PLCL1: variants seen among roughly 807,000 people sequenced by gnomAD.
The protein encoded by PLCL1 is inactive phospholipase C-like protein 1.
Under a neutral mutation model 84.4 loss-of-function variants are expected in PLCL1, and 41 were observed. That is an observed-to-expected ratio of 0.49 (90% CI 0.38 to 0.63). PLCL1 has a LOEUF of 0.63. PLCL1 is among the 30% of genes least tolerant of loss of function. The pLI is 0.00. For synonymous variants in PLCL1, 490 were observed against 488.3 expected, an observed-to-expected ratio of 1.00 and a Z score of -0.05; for missense variants, 1,206 against 1,367.8, an observed-to-expected ratio of 0.88 and a Z score of 1.87.
intron 1 of PLCL1, among the ~76,000 whole-genome samples, chr2:197,997,141 G>A (rs565710354): frequency 6.6e-6 from 1 of 152,318 alleles, no homozygotes; most frequent in African/African-American, 2.4e-5. Context: ...AGGTATAGCT[G>A]GCTTATCCCA....
chr2:198,126,022 G>A (rs1432879917), intron 5 of PLCL1, among the ~76,000 whole-genome samples: 2 of 152,056 alleles, frequency 1.3e-5, no homozygotes, highest in Non-Finnish European at 2.9e-5. Context: ...CAAGTCTCTA[G>A]GATAACAAAG....
intron 3 of PLCL1, among the ~76,000 whole-genome samples, 186 bp downstream of exon 3, chr2:198,089,247 T>G (rs1692961185): frequency 6.6e-6 from 1 of 152,118 alleles, no homozygotes; most frequent in Non-Finnish European, 1.5e-5. Context: ...TCTGAGAAAA[T>G]GACTTGAACC....
intron 1 of PLCL1, among the ~76,000 whole-genome samples, chr2:197,817,676 G>A (rs1299808993): frequency 6.6e-6 from 1 of 152,090 alleles, no homozygotes; most frequent in Admixed American, 6.6e-5. Context: ...CATAGGTTGT[G>A]AGAAGTCACA....
At chr2:197,950,058 A>G (rs1689358645) in intron 1 of PLCL1, among the ~76,000 whole-genome samples, 1 of 152,130 alleles carries the variant, frequency 6.6e-6, no homozygotes, top group South Asian at 2.1e-4. Flanking sequence ...GAAGACTCCA[A>G]ATCCAGGTCA....
intron 1 of PLCL1, among the ~76,000 whole-genome samples, chr2:198,040,940 G>A (rs759025741): frequency 5.3e-5 from 8 of 152,138 alleles, no homozygotes; most frequent in Admixed American, 1.3e-4. Context: ...GCCAAAGAAA[G>A]GGCAACAAGC....
chr2:197,938,462 A>G (rs188255421), intron 1 of PLCL1, among the ~76,000 whole-genome samples: 4 of 152,344 alleles, frequency 2.6e-5, no homozygotes, highest in African/African-American at 9.6e-5. Flanking sequence ...AGTATTCTCT[A>G]AATAGAGTGT....
At chr2:198,117,106 G>A (rs1304060807) in intron 5 of PLCL1, among the ~76,000 whole-genome samples, 1 of 151,844 alleles carries the variant, frequency 6.6e-6, no homozygotes, top group African/African-American at 2.4e-5. Context: ...TGAATGTGTT[G>A]CCTGGGAATT....
chr2:197,834,905 T>A (rs1401368118), intron 1 of PLCL1, among the ~76,000 whole-genome samples: 2 of 152,166 alleles, frequency 1.3e-5, no homozygotes, highest in Non-Finnish European at 2.9e-5. Context: ...AACCCAAATG[T>A]CCATCAATGA....
At chr2:197,924,467 A>G (rs1404414346) in intron 1 of PLCL1, among the ~76,000 whole-genome samples, 2 of 152,154 alleles carry the variant, frequency 1.3e-5, no homozygotes, top group African/African-American at 4.8e-5. Context: ...CTTAGTAACA[A>G]CAACAAACAG....
intron 3 of PLCL1, among the ~76,000 whole-genome samples, chr2:198,097,186 A>T (rs944413195): frequency 5.3e-5 from 8 of 152,184 alleles, no homozygotes; most frequent in Non-Finnish European, 1.2e-4. Flanking sequence ...GTTTAAAAAC[A>T]AGATGCTGTA....
chr2:197,921,072 A>G (rs1428838985), intron 1 of PLCL1, among the ~76,000 whole-genome samples: 1 of 152,188 alleles, frequency 6.6e-6, no homozygotes, highest in East Asian at 1.9e-4. Context: ...GATACAACCT[A>G]TTGCTCCTAG....
intron 1 of PLCL1, among the ~76,000 whole-genome samples, chr2:197,961,513 A>C (rs1689622749): frequency 6.6e-6 from 1 of 152,030 alleles, no homozygotes; most frequent in African/African-American, 2.4e-5. Flanking sequence ...AATCATAGAA[A>C]GAGAACTATT....
intron 1 of PLCL1, among the ~76,000 whole-genome samples, chr2:198,028,347 G>A (rs982662643): frequency 6.6e-6 from 1 of 151,974 alleles, no homozygotes; most frequent in African/African-American, 2.4e-5. Context: ...AGGCCATTCA[G>A]CAGGAGTGGG....
intron 1 of PLCL1, among the ~76,000 whole-genome samples, chr2:197,900,467 T>C (rs547780433): frequency 1.2e-4 from 18 of 152,336 alleles, no homozygotes; most frequent in African/African-American, 4.1e-4. Context: ...TTTAATGTTG[T>C]ATATTTAAAT....
chr2:197,984,349 G>A (rs1690176294), intron 1 of PLCL1, among the ~76,000 whole-genome samples: 1 of 151,962 alleles, frequency 6.6e-6, no homozygotes, highest in Admixed American at 6.6e-5. Context: ...ACATTTGAGA[G>A]TAATTTTTCT....
chr2:197,845,867 A>G (rs1015609833), intron 1 of PLCL1, among the ~76,000 whole-genome samples: 3 of 152,128 alleles, frequency 2.0e-5, no homozygotes, highest in African/African-American at 4.8e-5. Flanking sequence ...GTGTGTATGT[A>G]CTTCTTCATT....
chr2:198,029,383 A>G (rs1159710521), intron 1 of PLCL1, among the ~76,000 whole-genome samples: 1 of 152,190 alleles, frequency 6.6e-6, no homozygotes, highest in Non-Finnish European at 1.5e-5. Context: ...GAGAGTATCT[A>G]TTCTTAAAGC....
At position 198,091,698 on chromosome 2, in the gene PLCL1, A is replaced by AATAAAATAAC. The variant is rs1355209768; in HGVS notation, c.2919+2646_2919+2647insCATAAAATAA. ...CAATCTCAAATAAAAAATAAAATAAAATAAAATAAAATAAAATAAAATAAA... is the reference window on the plus strand; with the variant it reads ...CAATCTCAAATAAAAAATAAAATAAAATAAAATAACATAAAATAAAATAAAATAAAATAAA... On this transcript the variant is annotated intron_variant, in intron 3 of 5. Coordinates refer to ENST00000428675, the MANE Select transcript of PLCL1 (RefSeq NM_006226.4). Among the ~76,000 whole-genome samples the AATAAAATAAC allele has an allele frequency of 7.6e-4, 26 of 34,102 alleles. No individual in the cohort carries two copies. In the South Asian group the frequency reaches 0.015, roughly 20 times the overall value. 22.4% of individuals were successfully genotyped at this position (34,102 alleles called of 152,430 possible).
chr2:198,040,996 G>C (rs1465443064), intron 1 of PLCL1, among the ~76,000 whole-genome samples: 1 of 152,148 alleles, frequency 6.6e-6, no homozygotes, highest in Non-Finnish European at 1.5e-5. Context: ...GGGGTTGGGG[G>C]AATTGTGTCT....
Sources: allele counts gnomAD v4.1 joint callset (sites outside exome capture counted in the v4.1 genomes callset), GRCh38; gene constraint gnomAD v4.1.1; transcripts MANE v1.5; gene names NCBI Gene and HGNC (gene_info 2026-07-23, HGNC 2026-07-21).